MDGA2: variants seen among roughly 807,000 people sequenced by gnomAD.
MDGA2 encodes MAM domain-containing glycosylphosphatidylinositol anchor protein 2.
Under a neutral mutation model 117.8 loss-of-function variants are expected in MDGA2, and 40 were observed. The ratio of observed to expected loss-of-function variants is 0.34; its 90% CI spans 0.26 to 0.44. The LOEUF is 0.44. Ranked by LOEUF, MDGA2 falls within the 20% of genes least tolerant of loss-of-function variation. MDGA2 has a pLI of 1.00. For missense variants in MDGA2, 1,123 were observed against 1,250.6 expected (o/e 0.90, Z 1.54); for synonymous variants, 452 against 439.0 (o/e 1.03, Z -0.37).
intron 1 of MDGA2, among the ~76,000 whole-genome samples, chr14:47,436,397 A>C (rs530545027): frequency 6.6e-6 from 1 of 152,132 alleles, no homozygotes; most frequent in Non-Finnish European, 1.5e-5. Flanking sequence ...CTTTAGTAGT[A>C]CAGATAAGCA....
intron 1 of MDGA2, among the ~76,000 whole-genome samples, chr14:47,452,242 A>G (rs1893257278): frequency 6.6e-6 from 1 of 152,102 alleles, no homozygotes; most frequent in South Asian, 2.1e-4. Flanking sequence ...CATGTTCATA[A>G]GATTCCCCAC....
At chr14:46,957,849 T>A (rs1274476344) in intron 8 of MDGA2, among the ~76,000 whole-genome samples, 1 of 152,168 alleles carries the variant, frequency 6.6e-6, no homozygotes, top group Non-Finnish European at 1.5e-5. Context: ...ATGAGCCTCC[T>A]TGCTTTACAA....
chr14:46,943,544 C>G (rs1412298079), intron 9 of MDGA2, among the ~76,000 whole-genome samples: 1 of 152,030 alleles, frequency 6.6e-6, no homozygotes, highest in Non-Finnish European at 1.5e-5. Context: ...ATGCAACATT[C>G]ACTTACTGAT....
intron 8 of MDGA2, chr14:46,997,032 C>T: frequency 3.3e-6 from 1 of 302,188 alleles, no homozygotes; most frequent in South Asian, 3.7e-5. Context: ...TTAAGGTTTG[C>T]CCAAGGTTTG....
chr14:47,244,952 G>A (rs530940322), intron 2 of MDGA2, among the ~76,000 whole-genome samples: 1 of 151,872 alleles, frequency 6.6e-6, no homozygotes, highest in Non-Finnish European at 1.5e-5. Flanking sequence ...AAAGACCATT[G>A]TGATGGTACA....
At chr14:47,017,674 A>T (rs1888133279) in intron 8 of MDGA2, among the ~76,000 whole-genome samples, 1 of 151,830 alleles carries the variant, frequency 6.6e-6, no homozygotes, top group South Asian at 2.1e-4. Flanking sequence ...AATACAGATT[A>T]AAAAAAATTG....
At chr14:46,965,582 C>G in intron 8 of MDGA2, among the ~76,000 whole-genome samples, 1 of 152,066 alleles carries the variant, frequency 6.6e-6, no homozygotes, top group East Asian at 1.9e-4. Context: ...ACCAAGCGCA[C>G]TCATTATAGT....
intron 8 of MDGA2, among the ~76,000 whole-genome samples, chr14:47,001,579 G>T (rs1207289578): frequency 6.6e-6 from 1 of 152,014 alleles, no homozygotes; most frequent in African/African-American, 2.4e-5. Flanking sequence ...ACTAATAAAT[G>T]GAGAAATCAA....
At chr14:47,081,059 AT>A (rs1890692194) in intron 6 of MDGA2, among the ~76,000 whole-genome samples, 1 of 152,094 alleles carries the variant, frequency 6.6e-6, no homozygotes, top group Admixed American at 6.6e-5. Context: ...CAGCAGCATT[AT>A]TTTCATGTTT....
At chr14:47,282,115 T>C (rs1285156548) in intron 2 of MDGA2, among the ~76,000 whole-genome samples, 1 of 151,988 alleles carries the variant, frequency 6.6e-6, no homozygotes, top group African/African-American at 2.4e-5. Context: ...GATGTTTGTA[T>C]AGAAAAGTCA....
At chr14:47,592,984 T>C (rs1044070858) in intron 1 of MDGA2, among the ~76,000 whole-genome samples, 2 of 151,882 alleles carry the variant, frequency 1.3e-5, no homozygotes, top group Non-Finnish European at 2.9e-5. Context: ...TTGCAATCTA[T>C]CCATCTGACA....
chr14:47,602,493 AAAC>A (rs771828251), intron 1 of MDGA2, among the ~76,000 whole-genome samples: 1 of 152,180 alleles, frequency 6.6e-6, no homozygotes, highest in Non-Finnish European at 1.5e-5. Context: ...ATTTTTCTAA[AAAC>A]AACAGGAAAA....
chr14:47,654,574 G>T (rs1004431378), intron 1 of MDGA2, among the ~76,000 whole-genome samples: 9 of 152,014 alleles, frequency 5.9e-5, no homozygotes, highest in African/African-American at 1.9e-4. Flanking sequence ...AATAACTTTG[G>T]AACCAATTCT....
intron 2 of MDGA2, among the ~76,000 whole-genome samples, chr14:47,291,696 A>T (rs889249006): frequency 3.9e-5 from 6 of 152,158 alleles, no homozygotes; most frequent in South Asian, 2.1e-4. Context: ...GCACCTCATC[A>T]CAAGGGAATA....
At chr14:47,673,669 T>TGTGTGTGTGC (rs1454273454) in intron 1 of MDGA2, among the ~76,000 whole-genome samples, 2 of 150,476 alleles carry the variant, frequency 1.3e-5, no homozygotes, top group Admixed American at 6.7e-5. Context: ...TGTGTGTGTG[T>TGTGTGTGTGC]GCTTCCATCC....
chr14:47,284,414 G>A (rs1888601814), intron 2 of MDGA2, among the ~76,000 whole-genome samples: 1 of 152,180 alleles, frequency 6.6e-6, no homozygotes, highest in Non-Finnish European at 1.5e-5. Context: ...AGCTTGGCAA[G>A]TAGTACCTAT....
At chr14:47,549,536 C>A (rs959413018) in intron 1 of MDGA2, among the ~76,000 whole-genome samples, 6 of 152,108 alleles carry the variant, frequency 3.9e-5, no homozygotes, top group Admixed American at 6.6e-5. Context: ...ATATGCAAAG[C>A]ATCAGCAATT....
At chr14:47,152,132 A>G (rs966946503) in intron 3 of MDGA2, among the ~76,000 whole-genome samples, 2 of 152,138 alleles carry the variant, frequency 1.3e-5, no homozygotes, top group African/African-American at 4.8e-5. Context: ...GTTTTCCTCA[A>G]CTCTAGAAAT....
chr14:47,155,019 C>T (rs1361291626), intron 3 of MDGA2, among the ~76,000 whole-genome samples: 1 of 152,186 alleles, frequency 6.6e-6, no homozygotes, highest in Non-Finnish European at 1.5e-5. Flanking sequence ...CTCAGCCAGA[C>T]TGGGACAGAC....
Sources: gnomAD v4.1 joint callset for allele counts (sites outside exome capture counted in the v4.1 genomes callset) on GRCh38, gnomAD v4.1.1 for gene constraint, MANE v1.5 for transcripts, NCBI Gene and HGNC (gene_info 2026-07-23, HGNC 2026-07-21) for gene names.